Variants in ERBB4 observed in about 807,000 individuals in gnomAD.
The protein encoded by ERBB4 is receptor tyrosine-protein kinase erbB-4.
In ERBB4, 42 loss-of-function variants were observed where a neutral mutation model predicts 158.0. The ratio of observed to expected loss-of-function variants is 0.27; its 90% CI spans 0.21 to 0.34. The LOEUF (loss-of-function observed/expected upper bound fraction) is 0.34, where lower values mean the gene tolerates loss of function less well. Ranked by LOEUF, ERBB4 falls within the 10% of genes least tolerant of loss-of-function variation. The pLI is 1.00. For synonymous variants in ERBB4, 583 were observed against 558.7 expected (o/e 1.04, Z -0.61); for missense variants, 1,333 against 1,624.1 (o/e 0.82, Z 3.08).
chr2:212,098,479 A>G (rs1458183501), intron 2 of ERBB4, among the ~76,000 whole-genome samples: 1 of 152,148 alleles, frequency 6.6e-6, no homozygotes, highest in Non-Finnish European at 1.5e-5. Context: ...CTGGAATACA[A>G]ATATATAGAG....
intron 3 of ERBB4, among the ~76,000 whole-genome samples, chr2:211,816,867 A>T (rs770592698): frequency 9.2e-5 from 14 of 152,134 alleles, no homozygotes; most frequent in Admixed American, 2.0e-4. Flanking sequence ...GTTAGCAAGC[A>T]ATGGAGCTGG....
intron 20 of ERBB4, among the ~76,000 whole-genome samples, chr2:211,503,932 T>G (rs2065679953): frequency 6.6e-6 from 1 of 151,906 alleles, no homozygotes; most frequent in African/African-American, 2.4e-5. Context: ...TTCCTGAGAG[T>G]CCCATGCTCT....
At chr2:212,295,822 A>C in intron 1 of ERBB4, among the ~76,000 whole-genome samples, 1 of 152,042 alleles carries the variant, frequency 6.6e-6, no homozygotes, top group East Asian at 1.9e-4. Flanking sequence ...TCTTTGATTT[A>C]AATGTTGTAT....
chr2:211,922,409 T>G (rs911949923), intron 3 of ERBB4, among the ~76,000 whole-genome samples: 1 of 152,156 alleles, frequency 6.6e-6, no homozygotes, highest in Non-Finnish European at 1.5e-5. Context: ...AAAAAAGTCC[T>G]AAGTAACAAG....
At chr2:212,419,567 T>C (rs1000049692) in intron 1 of ERBB4, among the ~76,000 whole-genome samples, 2 of 151,838 alleles carry the variant, frequency 1.3e-5, no homozygotes, top group African/African-American at 4.8e-5. Flanking sequence ...ATGCATATAT[T>C]TGCCTTTAAT....
At chr2:211,893,969 T>C (rs1194764652) in intron 3 of ERBB4, among the ~76,000 whole-genome samples, 1 of 139,748 alleles carries the variant, frequency 7.2e-6, no homozygotes, top group Non-Finnish European at 1.5e-5. Context: ...GGTGGGACTG[T>C]AAACTAGTTC....
At position 211,665,493 on chromosome 2, in the gene ERBB4, GAAAAAAA is replaced by G; in HGVS notation, c.1717-23_1717-17del. ...TGTCAGGACCCTGAAATGTGAAAAC[GAAAAAAA>G]AAGAAAAAAGAAAAGTGGTGTCATT... is the stretch of plus-strand genomic sequence containing the variant. On this transcript the variant is annotated splice_polypyrimidine_tract_variant and intron_variant, in intron 14 of 27. Transcript: ENST00000342788. The G allele has an allele frequency of 6.3e-7, 1 of 1,588,280 alleles. No individual in the cohort carries two copies. Among genetic ancestry groups the G allele is most frequent in the Non-Finnish European group, 8.6e-7 (1 of 1,167,216 alleles).
intron 2 of ERBB4, among the ~76,000 whole-genome samples, chr2:212,071,418 G>A (rs1180707931): frequency 2.0e-5 from 3 of 151,724 alleles, no homozygotes; most frequent in Non-Finnish European, 4.4e-5. Context: ...TAAAGGAGGT[G>A]GCCACAGACA....
intron 1 of ERBB4, among the ~76,000 whole-genome samples, chr2:212,226,156 C>A (rs1467119086): frequency 1.3e-5 from 2 of 152,028 alleles, no homozygotes; most frequent in African/African-American, 2.4e-5. Context: ...ATGGCTAGGA[C>A]CCCAGAATGG....
Position 212,102,090 on chromosome 2 carries a change from T to TATATATATATATATATATA in ERBB4, c.234+22661_234+22662insTATATATATATATATATAT, listed in dbSNP as rs1553558603. ...AAATCATATACGTTGAAAATTTATT[T>TATATATATATATATATATA]TATATATATATATATATATATATGT... On this transcript the variant is annotated intron_variant, in intron 2 of 27. Coordinates refer to ENST00000342788, the MANE Select transcript of ERBB4 (RefSeq NM_005235.3). Among the ~76,000 whole-genome samples, 386 of 107,908 alleles carry TATATATATATATATATATA rather than the reference T, an allele frequency of 3.6e-3. 7 individuals carry two copies. Among genetic ancestry groups the TATATATATATATATATATA allele is most frequent in the South Asian group, 0.011 (30 of 2,810 alleles). 70.8% of individuals were successfully genotyped at this position (107,908 alleles called of 152,430 possible).
At chr2:211,674,190 A>G (rs1316880554) in intron 13 of ERBB4, among the ~76,000 whole-genome samples, 7 of 152,148 alleles carry the variant, frequency 4.6e-5, no homozygotes, top group Non-Finnish European at 8.8e-5. Context: ...ACAAATCATT[A>G]ATAAAATTTG....
intron 1 of ERBB4, among the ~76,000 whole-genome samples, chr2:212,285,482 C>T (rs1359860342): frequency 6.6e-6 from 1 of 151,666 alleles, no homozygotes; most frequent in Admixed American, 6.6e-5. Context: ...TCACACAGTT[C>T]TTTTGCCATA....
At chr2:211,629,400 C>T (rs2070008059) in intron 17 of ERBB4, among the ~76,000 whole-genome samples, 2 of 151,972 alleles carry the variant, frequency 1.3e-5, no homozygotes, top group Middle Eastern at 3.2e-3. Flanking sequence ...TAAAAGAGGA[C>T]ACAAACAAAT....
intron 16 of ERBB4, among the ~76,000 whole-genome samples, chr2:211,633,337 T>A (rs1034524039): frequency 3.9e-5 from 6 of 151,956 alleles, no homozygotes; most frequent in Admixed American, 3.3e-4. Context: ...AGAACTTCAA[T>A]ATGAAAAAAT....
chr2:211,882,442 G>C (rs1305166548), intron 3 of ERBB4, among the ~76,000 whole-genome samples: 2 of 151,924 alleles, frequency 1.3e-5, no homozygotes, highest in Non-Finnish European at 2.9e-5. Flanking sequence ...CTCATATATA[G>C]AGATAGCTCA....
chr2:211,843,207 C>T (rs1380278018), intron 3 of ERBB4, among the ~76,000 whole-genome samples: 2 of 152,122 alleles, frequency 1.3e-5, no homozygotes, highest in African/African-American at 4.8e-5. Context: ...CTGATATTTC[C>T]TTTTTGACTT....
At chr2:211,829,978 C>T (rs761975744) in intron 3 of ERBB4, among the ~76,000 whole-genome samples, 4 of 152,040 alleles carry the variant, frequency 2.6e-5, no homozygotes, top group African/African-American at 7.2e-5. Context: ...TGAATATAAC[C>T]CCCATCCCCC....
intron 2 of ERBB4, among the ~76,000 whole-genome samples, chr2:212,099,506 A>T (rs1472278409): frequency 6.6e-6 from 1 of 152,160 alleles, no homozygotes; most frequent in African/African-American, 2.4e-5. Flanking sequence ...ATGTCTTTCC[A>T]CAGTTTTACT....
intron 5 of ERBB4, among the ~76,000 whole-genome samples, chr2:211,739,171 C>A (rs750679770): frequency 1.4e-4 from 21 of 152,080 alleles, no homozygotes; most frequent in Non-Finnish European, 2.2e-4. Flanking sequence ...CCATCTTATG[C>A]CTTTTGTTTT....
Sources: allele counts gnomAD v4.1 joint callset (sites outside exome capture counted in the v4.1 genomes callset), GRCh38; gene constraint gnomAD v4.1.1; transcripts MANE v1.5; gene names NCBI Gene and HGNC (gene_info 2026-07-23, HGNC 2026-07-21).